CBR4: variants seen among roughly 807,000 people sequenced by gnomAD.
The protein encoded by CBR4 is 3-oxoacyl-[acyl-carrier-protein] reductase.
Under a neutral mutation model 21.0 loss-of-function variants are expected in CBR4, and 22 were observed. That is an observed-to-expected ratio of 1.05 (90% CI 0.75 to 1.50). The LOEUF is 1.50. Among genes scored for constraint, CBR4 ranks in the 40% most tolerant of loss-of-function variants. The probability of loss-of-function intolerance (pLI) is 0.00; values close to 1 mark genes in which losing one functional copy is unlikely to be tolerated. For synonymous variants in CBR4, 100 were observed against 104.4 expected, an observed-to-expected ratio of 0.96 and a Z score of 0.26; for missense variants, 302 against 286.3, an observed-to-expected ratio of 1.05 and a Z score of -0.40.
chr4:168,975,616 G>A (rs1764345627), intron 2 of CBR4, among the ~76,000 whole-genome samples: 1 of 152,154 alleles, frequency 6.6e-6, no homozygotes, highest in African/African-American at 2.4e-5. Flanking sequence ...TGAGTACTCA[G>A]GTTTCTTGGG....
At chr4:168,900,139 T>C (rs1265838095) in intron 2 of CBR4, among the ~76,000 whole-genome samples, 18 of 152,084 alleles carry the variant, frequency 1.2e-4, no homozygotes, top group Admixed American at 1.0e-3. Context: ...TGTGAACTAA[T>C]TGAGCAAGAA....
At chr4:168,965,299 C>A (rs1416309314) in intron 2 of CBR4, among the ~76,000 whole-genome samples, 2 of 152,180 alleles carry the variant, frequency 1.3e-5, no homozygotes, top group South Asian at 4.1e-4. Flanking sequence ...CATGAAGAAT[C>A]AATATCGTGA....
rs969990062 is a variant in CBR4, at chr4:169,006,830, A to G, written c.325T>C (p.Leu109=). The stretch of plus-strand genomic sequence containing the variant: ...GCTTTACAGGTCAGCATGGAACCCA[A>G]GAGGTTAGTATGAAGCTGAGATACC... The part of the protein sequence containing the change: ...DMVSQLHTNL[L]GSMLTCKAAM... Residue 109 remains leucine, a synonymous_variant, in exon 3 of 5, where the codon TTG becomes CTG. Coordinates refer to ENST00000306193, the MANE Select transcript of CBR4 (RefSeq NM_032783.5). The G allele has an allele frequency of 6.2e-7, 1 of 1,613,192 alleles. No individual in the cohort carries two copies. The highest frequency in any genetic ancestry group is 1.3e-5 in the African/African-American group (1 of 74,914).
At chr4:168,941,688 G>A (rs570837479) in intron 2 of CBR4, among the ~76,000 whole-genome samples, 65 of 152,276 alleles carry the variant, frequency 4.3e-4, no homozygotes, top group African/African-American at 1.3e-3. Flanking sequence ...CACCAACAGC[G>A]TAAAAGCCTT....
Position 168,989,817 on chromosome 4 carries a change from A to G in CBR4, c.*333T>C. Reference sequence around the variant, plus strand: ...AAGTGATACACATCCTTTAGAAAACACAATTTGTCTGGGGGGATGATTGCA... The same window carrying G: ...AAGTGATACACATCCTTTAGAAAACGCAATTTGTCTGGGGGGATGATTGCA... On this transcript the variant is annotated 3_prime_UTR_variant, in exon 5 of 5. Coordinates refer to ENST00000306193, the MANE Select transcript of CBR4 (RefSeq NM_032783.5). 9.9e-7 allele frequency: 1 copy of G among 1,007,860 alleles called. No individual in the cohort carries two copies. The highest frequency in any genetic ancestry group is 1.2e-6 in the Non-Finnish European group (1 of 845,116). 62.4% of individuals were successfully genotyped at this position (1,007,860 alleles called of 1,614,324 possible). A position where few individuals can be genotyped will look rare whatever the true frequency, so the allele number is the denominator to read the frequency against.
At chr4:168,928,968 T>TTGA (rs1481195556) in intron 2 of CBR4, among the ~76,000 whole-genome samples, 4 of 150,674 alleles carry the variant, frequency 2.7e-5, no homozygotes, top group African/African-American at 4.8e-5. Flanking sequence ...AAATCGCCAT[T>TTGA]TGATTGGAAT....
intron 2 of CBR4, chr4:168,898,837 G>A: frequency 1.3e-6 from 1 of 753,634 alleles, no homozygotes; most frequent in Non-Finnish European, 2.3e-6. Context: ...ACGATATAAA[G>A]GGTTTTAAAT....
At chr4:168,921,492 GT>G in intron 2 of CBR4, 1 of 1,380,972 alleles carries the variant, frequency 7.2e-7, no homozygotes, top group Non-Finnish European at 1.0e-6. Context: ...ATTTCACTCT[GT>G]TTTAATACAA....
chr4:169,001,932 C>A, intron 4 of CBR4, 139 bp downstream of exon 4: 2 of 869,918 alleles, frequency 2.3e-6, no homozygotes, highest in Non-Finnish European at 1.6e-6. Flanking sequence ...TTTTTGAGTC[C>A]CCCAGTTCAT....
At chr4:168,916,152 C>G in intron 2 of CBR4, 1 of 942,002 alleles carries the variant, frequency 1.1e-6, no homozygotes, top group South Asian at 1.3e-5. Flanking sequence ...GTGGCTCACA[C>G]CTATAATCCC....
intron 2 of CBR4, among the ~76,000 whole-genome samples, chr4:168,974,265 G>A (rs1007912310): frequency 1.3e-5 from 2 of 152,184 alleles, no homozygotes; most frequent in African/African-American, 4.8e-5. Flanking sequence ...CAGGGTTTCT[G>A]CTGAGAAAAC....
At chr4:168,954,929 A>T (rs1280319400) in intron 2 of CBR4, among the ~76,000 whole-genome samples, 3 of 152,242 alleles carry the variant, frequency 2.0e-5, no homozygotes, top group Non-Finnish European at 4.4e-5. Flanking sequence ...GAATGATATG[A>T]ACAGGATATT....
Position 168,924,965 on chromosome 4 carries a change from G to A in CBR4, n.170-30200C>T, listed in dbSNP as rs1409882717. ...TCCAGCATGCACCAGGACAACCACG[G>A]CTACATCTGCCTGCTCATTCAGGGA... On this transcript the variant is annotated intron_variant and non_coding_transcript_variant, in intron 2 of 3. Coordinates refer to the CBR4 transcript ENST00000509108. The A allele has an allele frequency of 8.7e-6, 14 of 1,614,030 alleles. No homozygotes were observed. In the South Asian group the frequency reaches 1.5e-4, roughly 18 times the overall value.
intron 2 of CBR4, among the ~76,000 whole-genome samples, chr4:168,970,086 C>T (rs997356592): frequency 3.3e-5 from 5 of 152,120 alleles, no homozygotes; most frequent in African/African-American, 4.8e-5. Flanking sequence ...ATTTTCCTAA[C>T]GGGTTATCCT....
intron 2 of CBR4, among the ~76,000 whole-genome samples, chr4:168,956,788 C>T (rs975084884): frequency 6.6e-6 from 1 of 151,990 alleles, no homozygotes; most frequent in East Asian, 1.9e-4. Context: ...GCCAAAAGCA[C>T]GATTAGTTAC....
chr4:168,952,405 G>C (rs1029131890), intron 2 of CBR4, among the ~76,000 whole-genome samples: 10 of 152,004 alleles, frequency 6.6e-5, no homozygotes, highest in Non-Finnish European at 1.3e-4. Flanking sequence ...CCTCCTGAAT[G>C]CTTTCTGGGG....
chr4:168,937,694 C>T (rs1022797619), intron 2 of CBR4, among the ~76,000 whole-genome samples: 2 of 146,992 alleles, frequency 1.4e-5, no homozygotes, highest in African/African-American at 5.0e-5. Flanking sequence ...TTTAAACCAA[C>T]AAAGATCAAA....
intron 2 of CBR4, among the ~76,000 whole-genome samples, chr4:168,921,320 T>C (rs771947849): frequency 4.2e-5 from 6 of 144,510 alleles, no homozygotes; most frequent in Non-Finnish European, 7.4e-5. Context: ...GACAGGAGAA[T>C]CGCTTGAACC....
intron 2 of CBR4, among the ~76,000 whole-genome samples, chr4:168,904,957 T>C (rs1257503343): frequency 6.6e-6 from 1 of 151,740 alleles, no homozygotes; most frequent in Non-Finnish European, 1.5e-5. Flanking sequence ...CGAAACCCTG[T>C]CTCTACTAAA....
Sources: allele counts gnomAD v4.1 joint callset (sites outside exome capture counted in the v4.1 genomes callset), GRCh38; gene constraint gnomAD v4.1.1; transcripts MANE v1.5; gene names NCBI Gene and HGNC (gene_info 2026-07-23, HGNC 2026-07-21).